Variants in KCTD20 observed in about 807,000 individuals in gnomAD.
KCTD20 encodes BTB/POZ domain-containing protein KCTD20.
In KCTD20, 30 loss-of-function variants were observed where a neutral mutation model predicts 39.6. The observed-to-expected ratio is 0.76, with a 90% confidence interval of 0.57 to 1.03. KCTD20 has a LOEUF of 1.03. Ranked by LOEUF, KCTD20 falls within the 50% of genes least tolerant of loss-of-function variation. The pLI, the probability that KCTD20 is intolerant of heterozygous loss-of-function variation, is 0.00. For missense variants in KCTD20, 422 were observed against 522.0 expected (o/e 0.81, Z 1.87); for synonymous variants, 162 against 180.6 (o/e 0.90, Z 0.83).
At chr6:36,443,979 A>G (rs1774956442) in intron 1 of KCTD20, among the ~76,000 whole-genome samples, 1 of 152,168 alleles carries the variant, frequency 6.6e-6, no homozygotes, top group African/African-American at 2.4e-5. Flanking sequence ...TTCAAAACAA[A>G]GTGTTGTAGT....
chr6:36,472,524 C>T (rs1205919803), intron 2 of KCTD20, among the ~76,000 whole-genome samples: 1 of 149,552 alleles, frequency 6.7e-6, no homozygotes, highest in African/African-American at 2.5e-5. Context: ...GGGAGTAATT[C>T]AGTTGTATTG....
intron 3 of KCTD20, among the ~76,000 whole-genome samples, chr6:36,475,602 AAAT>A (rs1776040230): frequency 6.6e-6 from 1 of 152,176 alleles, no homozygotes; most frequent in African/African-American, 2.4e-5. Flanking sequence ...CCACAAAAGG[AAAT>A]AAAATCTATT....
At chr6:36,461,458 C>G (rs1339456093) in intron 1 of KCTD20, among the ~76,000 whole-genome samples, 1 of 151,998 alleles carries the variant, frequency 6.6e-6, no homozygotes, top group African/African-American at 2.4e-5. Flanking sequence ...GAGGTGGGTA[C>G]AAGAGTTTTT....
chr6:36,480,410 C>CT (rs550520667), intron 5 of KCTD20, among the ~76,000 whole-genome samples: 1,289 of 121,716 alleles, frequency 0.011, 9 homozygotes, highest in South Asian at 0.021. Context: ...ATGATATTGC[C>CT]TTTTTTTTTT....
chr6:36,479,919 A>G (rs925350256), intron 5 of KCTD20, among the ~76,000 whole-genome samples: 37 of 150,934 alleles, frequency 2.5e-4, no homozygotes, highest in African/African-American at 8.5e-4. Flanking sequence ...CAGCCTCCCA[A>G]GTAGCTGGGA....
At position 36,449,894 on chromosome 6, in the gene KCTD20, G is replaced by T. The variant is rs865892677; in HGVS notation, c.-47+6783G>T. Among the ~76,000 whole-genome samples the T allele has an allele frequency of 2.6e-4, 39 of 152,192 alleles. 1 individual carries two copies. The highest frequency in any genetic ancestry group is 9.2e-4 in the Admixed American group (14 of 15,278). On this transcript the variant is annotated intron_variant, in intron 1 of 7. Coordinates refer to ENST00000373731, the MANE Select transcript of KCTD20 (RefSeq NM_173562.5). ...AGTTATGTGTTGGTGGCCGGGCGCG[G>T]TGGCTCACGCCTGTAATCCCAGCAC...
chr6:36,487,443 T>G lies in KCTD20; in HGVS notation c.*268T>G. The G allele has an allele frequency of 2.3e-6, 1 of 434,152 alleles. No homozygotes were observed. The highest frequency in any genetic ancestry group is 4.1e-6 in the Non-Finnish European group (1 of 242,606). The allele number at this position is 434,152 out of a possible 1,614,324, so 26.9% of individuals were successfully genotyped here. A position where few individuals can be genotyped will look rare whatever the true frequency, so the allele number is the denominator to read the frequency against. On this transcript the variant is annotated 3_prime_UTR_variant, in exon 8 of 8. Transcript: ENST00000373731. Reference sequence around the variant, plus strand: ...TCTGGTGCTGTTCATTGAGTCTTTGTGTAACTGCAAAAGCAGGAAAGGAAG... The same window carrying G: ...TCTGGTGCTGTTCATTGAGTCTTTGGGTAACTGCAAAAGCAGGAAAGGAAG...
At chr6:36,473,357 C>T (rs1430727904) in intron 2 of KCTD20, among the ~76,000 whole-genome samples, 2 of 152,002 alleles carry the variant, frequency 1.3e-5, no homozygotes, top group Non-Finnish European at 2.9e-5. Flanking sequence ...CCACCGCACC[C>T]GGCCTATTTT....
intron 3 of KCTD20, among the ~76,000 whole-genome samples, chr6:36,477,678 G>T (rs1329367162): frequency 4.0e-5 from 6 of 149,892 alleles, no homozygotes; most frequent in Non-Finnish European, 7.4e-5. Flanking sequence ...GTAGAGACAG[G>T]GTTTCACCAT....
rs866047039 is a variant in KCTD20, at chr6:36,448,019, A to G, written c.-47+4908A>G. On this transcript the variant is annotated intron_variant, in intron 1 of 7. Coordinates refer to ENST00000373731, the MANE Select transcript of KCTD20 (RefSeq NM_173562.5). ...AATATATGTGTATGTGTGTGTGTAT[A>G]TATATATATATATATATATATTTGA... Among the ~76,000 whole-genome samples the G allele has an allele frequency of 3.9e-4, 56 of 142,068 alleles. 1 individual carries two copies. Among genetic ancestry groups the G allele is most frequent in the African/African-American group, 1.3e-3 (48 of 36,270 alleles). 93.2% of individuals were successfully genotyped at this position (142,068 alleles called of 152,430 possible).
chr6:36,480,845 C>T (rs1050814603), intron 5 of KCTD20, among the ~76,000 whole-genome samples: 1 of 152,236 alleles, frequency 6.6e-6, no homozygotes, highest in Admixed American at 6.5e-5. Flanking sequence ...AGCCACTGCA[C>T]CCGGCCTATT....
chr6:36,489,967 G>A lies in KCTD20; in HGVS notation c.*2792G>A, dbSNP rs1427557692. The A allele has an allele frequency of 6.6e-6, 1 of 152,096 alleles. No homozygotes were observed. The highest frequency in any genetic ancestry group is 1.5e-5 in the Non-Finnish European group (1 of 68,042). The allele number at this position is 152,096 out of a possible 1,614,324, so 9.4% of individuals were successfully genotyped here. Reference sequence around the variant, plus strand: ...CCCTGGAAAAATATTTGAAAGAATGGCAGCAAAAAGGTTAAGAAAGCAAGC... The same window carrying A: ...CCCTGGAAAAATATTTGAAAGAATGACAGCAAAAAGGTTAAGAAAGCAAGC... On this transcript the variant is annotated 3_prime_UTR_variant, in exon 8 of 8. Coordinates refer to ENST00000373731, the MANE Select transcript of KCTD20 (RefSeq NM_173562.5).
At chr6:36,475,107 A>G in intron 3 of KCTD20, 45 bp downstream of exon 3, 4 of 1,565,814 alleles carry the variant, frequency 2.6e-6, no homozygotes, top group Non-Finnish European at 3.5e-6. Flanking sequence ...GTTCTCTATA[A>G]ATAAAAATAC....
chr6:36,449,026 A>G (rs1392901814), intron 1 of KCTD20, among the ~76,000 whole-genome samples: 1 of 152,138 alleles, frequency 6.6e-6, no homozygotes, highest in Non-Finnish European at 1.5e-5. Context: ...TGAGTGTTAC[A>G]GCTCATAAAG....
chr6:36,457,162 G>A (rs1775462282), intron 1 of KCTD20, among the ~76,000 whole-genome samples: 1 of 152,088 alleles, frequency 6.6e-6, no homozygotes, highest in African/African-American at 2.4e-5. Context: ...TCAAATTCCT[G>A]GGCTCAAGCA....
intron 1 of KCTD20, among the ~76,000 whole-genome samples, chr6:36,452,900 A>T (rs1775303434): frequency 1.3e-5 from 2 of 151,836 alleles, no homozygotes; most frequent in Admixed American, 6.6e-5. Context: ...CACTCATATA[A>T]AGTATAGAGT....
chr6:36,462,817 G>A lies in KCTD20; in HGVS notation c.-46-7235G>A, dbSNP rs181255570. 2.9e-3 allele frequency among the ~76,000 whole-genome samples: 440 copies of A among 152,218 alleles called. 2 individuals are homozygous for A. The highest frequency in any genetic ancestry group is 0.01 in the African/African-American group (422 of 41,532). Reference sequence around the variant, plus strand: ...ACTACCTCACTCCTAGACAATTTTAGTAACCTTCTCTTATAGCCCCTCCAG... The same window carrying A: ...ACTACCTCACTCCTAGACAATTTTAATAACCTTCTCTTATAGCCCCTCCAG... On this transcript the variant is annotated intron_variant, in intron 1 of 7. Coordinates refer to ENST00000373731, the MANE Select transcript of KCTD20 (RefSeq NM_173562.5).
chr6:36,486,768 C>T, intron 7 of KCTD20, 115 bp from the exon 8 acceptor site: 1 of 834,978 alleles, frequency 1.2e-6, no homozygotes, highest in Non-Finnish European at 2.0e-6. Context: ...TCACTTCGCA[C>T]ATATTTTCCA....
At chr6:36,486,458 TC>T (rs1229140436) in intron 7 of KCTD20, among the ~76,000 whole-genome samples, 2 of 152,226 alleles carry the variant, frequency 1.3e-5, no homozygotes, top group Non-Finnish European at 2.9e-5. Context: ...CTCTGTTTTT[TC>T]TTTAGGCTAA....
Sources: gnomAD v4.1 joint callset for allele counts (sites outside exome capture counted in the v4.1 genomes callset) on GRCh38, gnomAD v4.1.1 for gene constraint, MANE v1.5 for transcripts, NCBI Gene and HGNC (gene_info 2026-07-23, HGNC 2026-07-21) for gene names.